Variants in ABCC8 observed in about 807,000 individuals in gnomAD.
ABCC8 encodes the protein ATP-binding cassette sub-family C member 8.
In ABCC8, 137 loss-of-function variants were observed where a neutral mutation model predicts 188.0. That is an observed-to-expected ratio of 0.73 (90% CI 0.63 to 0.84). The LOEUF is 0.84. ABCC8 is among the 40% of genes least tolerant of loss of function. The pLI is 0.00. For synonymous variants in ABCC8, 797 were observed against 846.5 expected (o/e 0.94, Z 1.01); for missense variants, 1,750 against 2,072.7 (o/e 0.84, Z 3.02).
intron 7 of ABCC8, among the ~76,000 whole-genome samples, chr11:17,450,706 T>TTTTTTTTG (rs1956782570): frequency 7.1e-6 from 1 of 141,056 alleles, no homozygotes; most frequent in Non-Finnish European, 1.5e-5. Flanking sequence ...TTTTTTTTTT[T>TTTTTTTTG]GAGATGAAGT....
rs754232612 is a variant in ABCC8 at position 17,406,789 on chromosome 11, C to T, written c.3163-1G>A. 1 of 1,614,234 alleles carries T rather than the reference C, an allele frequency of 6.2e-7. No homozygotes were observed. The highest frequency in any genetic ancestry group is 1.1e-5 in the South Asian group (1 of 91,086). The stretch of plus-strand genomic sequence containing the variant: ...AGACAGTCTGGTCGAGGGTGCACTC[C>T]TTCACAGGCAGAGAGTGATTTGGAG... On this transcript the variant is annotated splice_acceptor_variant, in intron 25 of 38. Transcript: ENST00000389817. LOFTEE classifies it high-confidence loss of function.
chr11:17,448,792 A>G, intron 7 of ABCC8, 121 bp from the exon 8 acceptor site: 1 of 1,532,866 alleles, frequency 6.5e-7, no homozygotes, highest in Non-Finnish European at 9.0e-7. Context: ...GCCCTAGAGC[A>G]GCTCTGTAAG....
rs1193811624 is a variant in ABCC8, at chr11:17,427,153, G to A, written c.2118C>T (p.Gly706=). ...LSNITIRIPR[G]QLTMIVGQVG... is the part of the protein sequence containing the mutation. The stretch of plus-strand genomic sequence containing the variant: ...CCTGCCCCACGATCATAGTCAGCTG[G>A]CCTGCAGGGAGGGAGGGTGGCAGAT... The change falls in exon 16 of 39, where the codon GGC becomes GGT. Residue 706 remains glycine, a splice_region_variant and synonymous_variant. Coordinates refer to ENST00000389817, the MANE Select transcript of ABCC8 (RefSeq NM_000352.6). The surrounding 1 kb of genome is among the most constrained non-coding windows in gnomAD (Gnocchi z 5.0). 2 of 1,612,460 alleles carry A rather than the reference G, an allele frequency of 1.2e-6. No homozygotes were observed. Among genetic ancestry groups the A allele is most frequent in the Non-Finnish European group, 1.7e-6 (2 of 1,179,264 alleles).
Position 17,476,834 on chromosome 11 carries a change from T to C in ABCC8, c.-58A>G. On this transcript the variant is annotated 5_prime_UTR_variant, in exon 1 of 39. Transcript: ENST00000389817. ...GCTGGCTCCGCTGGCTCCGCGCGCC[T>C]GCCGCGCCTCTGTCCCTTGCAGCTC... is the stretch of plus-strand genomic sequence containing the variant. 4 of 1,435,432 alleles carry C rather than the reference T, an allele frequency of 2.8e-6. No individual in the cohort carries two copies. The highest frequency in any genetic ancestry group is 3.6e-6 in the Non-Finnish European group (4 of 1,097,400). The allele number at this position is 1,435,432 out of a possible 1,614,324, so 88.9% of individuals were successfully genotyped here.
At chr11:17,396,688 G>T in intron 33 of ABCC8, 1 of 588,268 alleles carries the variant, frequency 1.7e-6, no homozygotes, top group Non-Finnish European at 3.0e-6. Context: ...CGGTCTCCTT[G>T]GTGGATGAGT....
intron 26 of ABCC8, 93 bp downstream of exon 26, chr11:17,406,529 A>T (rs1954531960): frequency 2.3e-6 from 3 of 1,331,614 alleles, no homozygotes; most frequent in Non-Finnish European, 3.1e-6. Context: ...AGCTTGTGAC[A>T]GGTTGTATAT....
At chr11:17,455,488 C>G (rs61880330) in intron 6 of ABCC8, among the ~76,000 whole-genome samples, 2,279 of 152,300 alleles carry the variant, frequency 0.015, 24 homozygotes, top group Non-Finnish European at 0.025. Context: ...ACAAAATAAC[C>G]TAGGGTCAGA....
chr11:17,398,360 G>A lies in ABCC8; in HGVS notation c.3732C>T (p.Asn1244=), dbSNP rs763659404. Residue 1244 remains asparagine, a synonymous_variant, in exon 30 of 39, where the codon AAC becomes AAT. Transcript: ENST00000389817. The part of the protein sequence containing the change: ...NIASLFLTAA[N]RWLEVRMEYI... Reference sequence around the variant, plus strand: ...TTGCCATTCGGACTTCCAGCCATCTGTTGGCAGCTGTGAGGAAGAGGGAAG... The same window carrying A: ...TTGCCATTCGGACTTCCAGCCATCTATTGGCAGCTGTGAGGAAGAGGGAAG... 9 of 1,614,080 alleles carry A rather than the reference G, an allele frequency of 5.6e-6. No individual in the cohort carries two copies. In the South Asian group the frequency reaches 7.7e-5, roughly 14 times the overall value.
At chr11:17,430,703 TG>T in intron 12 of ABCC8, 110 bp downstream of exon 12, 1 of 1,251,776 alleles carries the variant, frequency 8.0e-7, no homozygotes, top group East Asian at 2.3e-5. Context: ...GGCCCAGCAA[TG>T]GGGGTGTGTT....
rs1297328825 is a variant in ABCC8 at position 17,406,914 on chromosome 11, C to T, written c.3136G>A (p.Ala1046Thr). ...WTDSALTLTP[A>T]ARNCSLSQEC... is the part of the protein sequence containing the mutation. ...TGGCTGAGGGAGCAGTTCCTGGCTG[C>T]AGGGGTCAGGGTCAGGGCGCTGTCG... is the stretch of plus-strand genomic sequence containing the variant. Residue 1046 changes from alanine to threonine, a missense_variant, in exon 25 of 39, where the codon GCA becomes ACA. Ala to Thr is a moderately conservative substitution (Grantham distance 58, BLOSUM62 0). Transcript: ENST00000389817. 1.9e-6 allele frequency: 3 copies of T among 1,614,132 alleles called. No homozygotes were observed. In the South Asian group the frequency reaches 3.3e-5, roughly 18 times the overall value.
At chr11:17,438,229 TCCCACTGCATC>T (rs1319736920) in intron 10 of ABCC8, among the ~76,000 whole-genome samples, 2 of 152,150 alleles carry the variant, frequency 1.3e-5, no homozygotes, top group African/African-American at 4.8e-5. Context: ...CAGAGGCTTC[TCCCACTGCATC>T]CCCAGGCCTG....
rs1260050205 is a variant in ABCC8 at position 17,476,756 on chromosome 11, G to A, written c.21C>T (p.Gly7=). Residue 7 remains glycine (G), a synonymous_variant, in exon 1 of 39, where the codon GGC becomes GGT. Transcript: ENST00000389817. The stretch of plus-strand genomic sequence containing the variant: ...GGTAGGCGGCCGAGTGGTTCTCGCT[G>A]CCGCAGAAGGCCAGGGGCATGGCGG... The part of the protein sequence containing the change: MPLAFC[G]SENHSAAYRV... The A allele has an allele frequency of 6.3e-7, 1 of 1,586,862 alleles. No homozygotes were observed. Among genetic ancestry groups the A allele is most frequent in the East Asian group, 2.3e-5 (1 of 43,398 alleles).
At chr11:17,433,683 A>G (rs1438503207) in intron 10 of ABCC8, among the ~76,000 whole-genome samples, 3 of 152,196 alleles carry the variant, frequency 2.0e-5, no homozygotes. Flanking sequence ...TGGGAAGGAC[A>G]TTGTCCCCAT....
intron 33 of ABCC8, chr11:17,396,652 G>C: frequency 2.0e-6 from 1 of 511,700 alleles, no homozygotes; most frequent in East Asian, 3.6e-5. Flanking sequence ...GACAAAGCCC[G>C]TGTGAGCTGG....
intron 3 of ABCC8, among the ~76,000 whole-genome samples, chr11:17,469,554 C>A (rs368623063): frequency 2.0e-5 from 3 of 151,970 alleles, no homozygotes; most frequent in Admixed American, 2.0e-4. Context: ...CCCACCACAG[C>A]CCACCTCCCC....
intron 8 of ABCC8, among the ~76,000 whole-genome samples, chr11:17,444,881 T>C (rs1235880065): frequency 6.6e-6 from 1 of 152,200 alleles, no homozygotes; most frequent in South Asian, 2.1e-4. Flanking sequence ...TCTGAAGGAC[T>C]CTGTCCACTC....
intron 28 of ABCC8, 102 bp from the exon 29 acceptor site, chr11:17,402,855 C>A: frequency 7.0e-7 from 1 of 1,431,196 alleles, no homozygotes; most frequent in Non-Finnish European, 9.8e-7. Context: ...GGTGAATGGC[C>A]TTACCTCTCT....
At position 17,413,458 on chromosome 11, in the gene ABCC8, G is replaced by A; in HGVS notation, c.2411C>T (p.Ala804Val). 1.9e-6 allele frequency: 3 copies of A among 1,614,088 alleles called. No homozygotes were observed. Among genetic ancestry groups the A allele is most frequent in the Non-Finnish European group, 2.5e-6 (3 of 1,180,032 alleles). Residue 804 changes from alanine (A) to valine (V), a missense_variant, in exon 20 of 39, where the codon GCC becomes GTC. Transcript: ENST00000389817. ...GTCGATGTCTGGCTGCAGAGAGCAG[G>A]CTTCAATGACCATCTTGTACCTGGC... is the stretch of plus-strand genomic sequence containing the variant. ...NKQRYKMVIE[A>V]CSLQPDIDIL... is the part of the protein sequence containing the mutation.
chr11:17,410,897 T>C (rs1332402001), intron 21 of ABCC8, among the ~76,000 whole-genome samples: 3 of 152,190 alleles, frequency 2.0e-5, no homozygotes, highest in Non-Finnish European at 4.4e-5. Flanking sequence ...CTCCTGGACC[T>C]TCAACGGCTC....
Sources: allele counts gnomAD v4.1 joint callset (sites outside exome capture counted in the v4.1 genomes callset), GRCh38; gene constraint gnomAD v4.1.1; non-coding constraint Gnocchi (gnomAD v3.1); transcripts MANE v1.5; gene names NCBI Gene and HGNC (gene_info 2026-07-23, HGNC 2026-07-21).